UBE2D3: variants seen among roughly 807,000 people sequenced by gnomAD.
The protein encoded by UBE2D3 is ubiquitin conjugating enzyme E2 D3.
Under a neutral mutation model 22.8 loss-of-function variants are expected in UBE2D3, and 2 were observed. That is an observed-to-expected ratio of 0.09 (90% CI 0.04 to 0.28). UBE2D3 has a LOEUF of 0.28. Among genes scored for constraint, UBE2D3 ranks in the 10% least tolerant of loss-of-function variants. The probability of loss-of-function intolerance (pLI) is 1.00; values close to 1 mark genes in which losing one functional copy is unlikely to be tolerated. For missense variants in UBE2D3, 27 were observed against 182.5 expected, an observed-to-expected ratio of 0.15 and a Z score of 4.91; for synonymous variants, 56 against 60.4, an observed-to-expected ratio of 0.93 and a Z score of 0.34.
Position 102,802,648 on chromosome 4 carries a change from G to C in UBE2D3, c.121-10C>G. On this transcript the variant is annotated splice_polypyrimidine_tract_variant and intron_variant, in intron 4 of 7. Coordinates refer to ENST00000453744, the MANE Select transcript of UBE2D3 (RefSeq NM_181891.3). Reference sequence around the variant, plus strand: ...GATATGGGCTGTCATTCTGTAAAAAGAAAAGTATGCTTAACTCAAATTTAA... The same window carrying C: ...GATATGGGCTGTCATTCTGTAAAAACAAAAGTATGCTTAACTCAAATTTAA... The C allele has an allele frequency of 6.3e-7, 1 of 1,579,004 alleles. No homozygotes were observed. The highest frequency in any genetic ancestry group is 8.6e-7 in the Non-Finnish European group (1 of 1,162,524).
At chr4:102,824,631 A>T (rs1374804408) in intron 2 of UBE2D3, among the ~76,000 whole-genome samples, 1 of 152,224 alleles carries the variant, frequency 6.6e-6, no homozygotes, top group African/African-American at 2.4e-5. Context: ...AAAGCTTTTA[A>T]ATCATTTAAG....
intron 4 of UBE2D3, among the ~76,000 whole-genome samples, chr4:102,806,684 G>C (rs1201201962): frequency 6.6e-6 from 1 of 151,992 alleles, no homozygotes; most frequent in East Asian, 1.9e-4. Context: ...GATTAGGTGG[G>C]AGTTAGTGTT....
At chr4:102,827,590 G>T (rs1730788010), upstream of UBE2D3, 3 of 987,044 alleles carry the variant, frequency 3.0e-6, no homozygotes, top group African/African-American at 1.7e-5. Flanking sequence ...CCCTCCTCCT[G>T]CCTCTTCACC....
intron 2 of UBE2D3, 95 bp from the exon 3 acceptor site, chr4:102,809,950 T>G (rs776035409): frequency 3.1e-5 from 37 of 1,193,882 alleles, no homozygotes; most frequent in Non-Finnish European, 4.6e-5. Flanking sequence ...ACCCTATTTT[T>G]AAAGGCACAC....
At chr4:102,819,671 T>C (rs761406326) in intron 2 of UBE2D3, 5 of 834,878 alleles carry the variant, frequency 6.0e-6, no homozygotes, top group East Asian at 2.4e-4. Flanking sequence ...GCCAAGTTCA[T>C]GGATTCTACC....
In UBE2D3 at chr4:102,868,072, C is replaced by CT. The variant is rs11418599; in HGVS notation, c.-129+642dup. On this transcript the variant is annotated intron_variant, in intron 1 of 7. Coordinates refer to the UBE2D3 transcript ENST00000338145. ...AAAACCATACATAAGGCTTTAGATTCTTTTTTTTTTTTTTTTTTGTGACGG... is the reference window on the plus strand; with the variant it reads ...AAAACCATACATAAGGCTTTAGATTCTTTTTTTTTTTTTTTTTTTGTGACGG... Among the ~76,000 whole-genome samples, 645 of 115,230 alleles carry CT rather than the reference C, an allele frequency of 5.6e-3. 25 individuals carry two copies. The highest frequency in any genetic ancestry group is 6.5e-3 in the Admixed American group (64 of 9,836). The allele number at this position is 115,230 out of a possible 152,430, so 75.6% of individuals were successfully genotyped here. A position where few individuals can be genotyped will look rare whatever the true frequency, so the allele number is the denominator to read the frequency against.
In UBE2D3 at chr4:102,795,007, C is replaced by A. The variant is rs1725128091; in HGVS notation, c.*2408G>T. The A allele has an allele frequency of 6.6e-6, 1 of 152,008 alleles. No homozygotes were observed. Among genetic ancestry groups the A allele is most frequent in the Admixed American group, 6.6e-5 (1 of 15,234 alleles). 9.4% of individuals were successfully genotyped at this position (152,008 alleles called of 1,614,324 possible). A position where few individuals can be genotyped will look rare whatever the true frequency, so the allele number is the denominator to read the frequency against. On this transcript the variant is annotated 3_prime_UTR_variant, in exon 8 of 8. Transcript: ENST00000453744. ...TGGAGTGGGGCAAAGAGGGCAAATTCTTAGATTCTTTTAAGATTTCATTGT... is the reference window on the plus strand; with the variant it reads ...TGGAGTGGGGCAAAGAGGGCAAATTATTAGATTCTTTTAAGATTTCATTGT...
chr4:102,814,555 G>A (rs549980168), intron 2 of UBE2D3, among the ~76,000 whole-genome samples: 31 of 150,048 alleles, frequency 2.1e-4, no homozygotes, highest in East Asian at 3.9e-4. Context: ...CGCCTGCCTC[G>A]GCCTCCCAAA....
intron 1 of UBE2D3, among the ~76,000 whole-genome samples, chr4:102,858,955 G>A (rs1303597102): frequency 6.6e-6 from 1 of 151,906 alleles, no homozygotes; most frequent in Non-Finnish European, 1.5e-5. Context: ...TTACATTACA[G>A]TATTCTGAAT....
chr4:102,802,884 G>C (rs1209773122), intron 4 of UBE2D3, among the ~76,000 whole-genome samples: 2 of 152,020 alleles, frequency 1.3e-5, no homozygotes, highest in South Asian at 2.1e-4. Context: ...AAGTTATCCA[G>C]AAACGCAAGT....
chr4:102,857,277 A>G (rs223349), intron 1 of UBE2D3, among the ~76,000 whole-genome samples: 87,500 of 152,078 alleles, frequency 0.58, 26,472 homozygotes, highest in African/African-American at 0.78. Flanking sequence ...ATATTTTAAA[A>G]TTGGAGGCTA....
intron 2 of UBE2D3, chr4:102,812,273 T>G (rs1417897496): frequency 1.3e-5 from 2 of 152,388 alleles, no homozygotes; most frequent in Admixed American, 1.3e-4. Flanking sequence ...CACTCTAGCT[T>G]GGACAACAAT....
At chr4:102,800,215 G>A (rs1253507019) in intron 6 of UBE2D3, among the ~76,000 whole-genome samples, 1 of 151,800 alleles carries the variant, frequency 6.6e-6, no homozygotes, top group Non-Finnish European at 1.5e-5. Context: ...GCTTGAAATG[G>A]TTCTGACCGA....
intron 1 of UBE2D3, among the ~76,000 whole-genome samples, chr4:102,843,032 C>T (rs1731847389): frequency 6.6e-6 from 1 of 152,136 alleles, no homozygotes. Flanking sequence ...ATCGCTTGAA[C>T]CTGGGAGGCA....
intron 1 of UBE2D3, among the ~76,000 whole-genome samples, chr4:102,846,127 C>T (rs936948546): frequency 6.6e-5 from 10 of 152,154 alleles, no homozygotes; most frequent in Non-Finnish European, 1.3e-4. Context: ...GTGGCCTCTA[C>T]TGCCTTAGGA....
chr4:102,826,581 C>A lies in UBE2D3; in HGVS notation c.-73G>T. 2 of 1,605,054 alleles carry A rather than the reference C, an allele frequency of 1.2e-6. No individual in the cohort carries two copies. Among genetic ancestry groups the A allele is most frequent in the Non-Finnish European group, 1.7e-6 (2 of 1,178,934 alleles). ...AGGTCCGGCCAAAACTCTTGATTAT[C>A]CCGGCGGCGGGGCAGGATTGTCTCG... is the stretch of plus-strand genomic sequence containing the variant. On this transcript the variant is annotated 5_prime_UTR_variant, in exon 2 of 8. Transcript: ENST00000453744.
chr4:102,806,746 GTAAATATCAGAGGCAAT>G (rs2110271839), intron 4 of UBE2D3, among the ~76,000 whole-genome samples: 1 of 152,098 alleles, frequency 6.6e-6, no homozygotes, highest in South Asian at 2.1e-4. Flanking sequence ...ATTTAAGCAA[GTAAATATCAGAGGCAAT>G]AGGTAAGGAA....
At chr4:102,806,977 C>A (rs146644379) in intron 4 of UBE2D3, among the ~76,000 whole-genome samples, 1 of 152,192 alleles carries the variant, frequency 6.6e-6, no homozygotes, top group East Asian at 1.9e-4. Flanking sequence ...ATTATTAAAG[C>A]CAAGCAATTT....
intron 4 of UBE2D3, among the ~76,000 whole-genome samples, chr4:102,804,318 G>A (rs549474742): frequency 4.6e-5 from 7 of 151,944 alleles, no homozygotes; most frequent in African/African-American, 1.7e-4. Flanking sequence ...GTGCACCAAC[G>A]TGCCCAGCTA....
Sources: gnomAD v4.1 joint callset for allele counts (sites outside exome capture counted in the v4.1 genomes callset) on GRCh38, gnomAD v4.1.1 for gene constraint, MANE v1.5 for transcripts, NCBI Gene and HGNC (gene_info 2026-07-23, HGNC 2026-07-21) for gene names.